Variants in TMEM165 observed in about 807,000 individuals in gnomAD.
The protein encoded by TMEM165 is transmembrane protein 165.
TMEM165 carries 19 observed loss-of-function variants against 30.0 expected under a neutral mutation model. That is an observed-to-expected ratio of 0.63 (90% confidence interval 0.44 to 0.93). The LOEUF is 0.93. Ranked by LOEUF, TMEM165 falls within the 40% of genes least tolerant of loss-of-function variation. The pLI is 0.00. For synonymous variants in TMEM165, 168 were observed against 162.9 expected (o/e 1.03, Z -0.24); for missense variants, 340 against 417.0 (o/e 0.82, Z 1.61).
chr4:55,422,360 C>T (rs1409985653), intron 4 of TMEM165, among the ~76,000 whole-genome samples: 2 of 152,086 alleles, frequency 1.3e-5, no homozygotes, highest in Non-Finnish European at 2.9e-5. Context: ...TGGGTCCAAG[C>T]GATTCTTCTG....
chr4:55,425,173 C>T (rs1722141618), intron 5 of TMEM165, among the ~76,000 whole-genome samples: 1 of 152,178 alleles, frequency 6.6e-6, no homozygotes, highest in East Asian at 1.9e-4. Context: ...CTGGAGAAAA[C>T]CTGATTCTTA....
At chr4:55,416,145 G>A (rs575077203) in intron 2 of TMEM165, 185 of 152,242 alleles carry the variant, frequency 1.2e-3, no homozygotes, top group Middle Eastern at 3.4e-3. Context: ...ATGAGCCACC[G>A]TGCCTGGCCA....
chr4:55,421,123 C>T (rs1176535366), intron 4 of TMEM165, among the ~76,000 whole-genome samples: 18 of 136,916 alleles, frequency 1.3e-4, no homozygotes, highest in Admixed American at 2.3e-4. Context: ...GCCGAGATCG[C>T]GCCACTGCAC....
chr4:55,442,652 A>G, intron 3 of TMEM165: 1 of 1,591,818 alleles, frequency 6.3e-7, no homozygotes, highest in Non-Finnish European at 8.6e-7. Context: ...AAATAAAGAG[A>G]TTTTATAGAC....
intron 1 of TMEM165, chr4:55,397,208 A>G (rs1056321120): frequency 6.6e-6 from 1 of 152,144 alleles, no homozygotes; most frequent in African/African-American, 2.4e-5. Context: ...GGCCACATCC[A>G]GCCCATCTCC....
At chr4:55,422,154 T>TG (rs1722005285) in intron 4 of TMEM165, among the ~76,000 whole-genome samples, 1 of 152,236 alleles carries the variant, frequency 6.6e-6, no homozygotes, top group Non-Finnish European at 1.5e-5. Flanking sequence ...CCACCTCACT[T>TG]GCTTTCTCCT....
At chr4:55,421,009 C>A (rs1721952628) in intron 4 of TMEM165, among the ~76,000 whole-genome samples, 1 of 151,730 alleles carries the variant, frequency 6.6e-6, no homozygotes, top group African/African-American at 2.4e-5. Context: ...ACCAGCCTGG[C>A]CAACATGGTG....
intron 3 of TMEM165, among the ~76,000 whole-genome samples, chr4:55,443,251 G>A (rs1053339665): frequency 6.6e-6 from 1 of 152,016 alleles, no homozygotes; most frequent in Non-Finnish European, 1.5e-5. Context: ...TGAGGTGGGC[G>A]ATCACCTGAG....
intron 1 of TMEM165, among the ~76,000 whole-genome samples, chr4:55,401,182 A>C (rs1026111999): frequency 6.7e-6 from 1 of 150,098 alleles, no homozygotes; most frequent in African/African-American, 2.5e-5. Flanking sequence ...GGCATTCTAC[A>C]TTGAGTATGT....
downstream of TMEM165, chr4:55,429,118 T>C (rs1209521232): frequency 6.6e-6 from 1 of 152,108 alleles, no homozygotes; most frequent in African/African-American, 2.4e-5. Context: ...AGCAGTGAAC[T>C]TGCACTAGTC....
In TMEM165 at chr4:55,396,364, G is replaced by A; in HGVS notation, c.175G>A (p.Ala59Thr). The change falls in exon 1 of 6, where the codon GCT becomes ACT. Residue 59 changes from alanine (A) to threonine (T), a missense_variant. Coordinates refer to ENST00000381334, the MANE Select transcript of TMEM165 (RefSeq NM_018475.5). ...CCAGCAGCTGCAGCCGCAGCCTGTG[G>A]CTGTGCAGGGCCCCGAGCCGGCCCG... ...PAQQLQPQPV[A>T]VQGPEPARVE... 1 of 1,506,654 alleles carries A rather than the reference G, an allele frequency of 6.6e-7. No homozygotes were observed. Among genetic ancestry groups the A allele is most frequent in the Non-Finnish European group, 8.8e-7 (1 of 1,132,928 alleles). 93.3% of individuals were successfully genotyped at this position (1,506,654 alleles called of 1,614,324 possible). A position where few individuals can be genotyped will look rare whatever the true frequency, so the allele number is the denominator to read the frequency against.
intron 1 of TMEM165, among the ~76,000 whole-genome samples, chr4:55,406,583 T>C (rs762375019): frequency 1.3e-5 from 2 of 152,238 alleles, no homozygotes; most frequent in Non-Finnish European, 2.9e-5. Flanking sequence ...TATTATTCTT[T>C]TAGCTCTATA....
Position 55,417,902 on chromosome 4 carries a change from T to C in TMEM165, c.709T>C (p.Phe237Leu). 1.9e-6 allele frequency: 3 copies of C among 1,614,188 alleles called. No individual in the cohort carries two copies. Among genetic ancestry groups the C allele is most frequent in the Non-Finnish European group, 2.5e-6 (3 of 1,180,026 alleles). ...KKWLHFISPI[F>L]VQALTLTFLA... ...GTGGTTGCATTTTATTTCACCCATTTTTGTTCAAGCTCTTACATTAACATT... is the reference window on the plus strand; with the variant it reads ...GTGGTTGCATTTTATTTCACCCATTCTTGTTCAAGCTCTTACATTAACATT... Residue 237 changes from phenylalanine (F) to leucine (L), a missense_variant, in exon 4 of 6, where the codon TTT becomes CTT. Physicochemically the swap from Phe to Leu is conservative, Grantham distance 22. This residue lies in a region of TMEM165 where 220 missense variants were observed against 307.6 expected (regional missense o/e 0.72). Transcript: ENST00000381334.
At chr4:55,400,303 TATATA>T (rs1560386015) in intron 1 of TMEM165, among the ~76,000 whole-genome samples, 11 of 104,750 alleles carry the variant, frequency 1.1e-4, no homozygotes, top group Non-Finnish European at 1.8e-4. Flanking sequence ...TATAATATTA[TATATA>T]ATATTAATAC....
At chr4:55,405,597 GC>G (rs1192632182) in intron 1 of TMEM165, among the ~76,000 whole-genome samples, 6 of 152,060 alleles carry the variant, frequency 3.9e-5, no homozygotes, top group African/African-American at 1.4e-4. Flanking sequence ...TAATATTTCT[GC>G]CAACCAGAAA....
chr4:55,420,045 G>A (rs1437127275), intron 4 of TMEM165, among the ~76,000 whole-genome samples: 73 of 145,322 alleles, frequency 5.0e-4, no homozygotes, highest in Admixed American at 2.4e-3. Flanking sequence ...GCAGTGAGCC[G>A]AGATGGTGCC....
Position 55,402,119 on chromosome 4 carries a change from C to CAAAAAAAAA in TMEM165, c.207+5727_207+5735dup, listed in dbSNP as rs71194551. ...GGCAACAAGAGCAAAACTCTGTCTCCAAAAAAAAAAAAGAAACTAAACACA... is the reference window on the plus strand; with the variant it reads ...GGCAACAAGAGCAAAACTCTGTCTCCAAAAAAAAAAAAAAAAAAAAAGAAACTAAACACA... On this transcript the variant is annotated intron_variant, in intron 1 of 5. Coordinates refer to ENST00000381334, the MANE Select transcript of TMEM165 (RefSeq NM_018475.5). Among the ~76,000 whole-genome samples the CAAAAAAAAA allele has an allele frequency of 3.4e-4, 36 of 106,986 alleles. 4 individuals are homozygous for CAAAAAAAAA. Among genetic ancestry groups the CAAAAAAAAA allele is most frequent in the African/African-American group, 1.6e-3 (33 of 20,498 alleles). The allele number at this position is 106,986 out of a possible 152,430, so 70.2% of individuals were successfully genotyped here.
intron 3 of TMEM165, chr4:55,434,015 T>C (rs1412318327): frequency 6.6e-6 from 1 of 152,612 alleles, no homozygotes; most frequent in African/African-American, 2.4e-5. Flanking sequence ...TGTTAGGTTA[T>C]CATCTTTTAT....
intron 5 of TMEM165, 87 bp from the exon 6 acceptor site, chr4:55,425,288 TG>T: frequency 9.7e-7 from 1 of 1,031,014 alleles, no homozygotes. Flanking sequence ...GAAGAATAAT[TG>T]GCCGCCTCAT....
Sources: allele counts gnomAD v4.1 joint callset (sites outside exome capture counted in the v4.1 genomes callset), GRCh38; gene constraint gnomAD v4.1.1; regional missense constraint gnomAD v4.1.1; transcripts MANE v1.5; gene names NCBI Gene and HGNC (gene_info 2026-07-23, HGNC 2026-07-21).